The following CAP2 variants were observed in gnomAD, a reference collection of about 807,000 sequenced individuals.
The protein encoded by CAP2 is cyclase associated actin cytoskeleton regulatory protein 2.
A neutral mutation model predicts 57.7 loss-of-function variants in CAP2; 24 were observed. That is an observed-to-expected ratio of 0.42 (90% CI 0.30 to 0.58). The LOEUF is 0.58. Among genes scored for constraint, CAP2 ranks in the 20% least tolerant of loss-of-function variants. CAP2 has a pLI of 0.22. For synonymous variants in CAP2, 194 were observed against 207.2 expected (o/e 0.94, Z 0.55); for missense variants, 501 against 590.3 (o/e 0.85, Z 1.57).
At chr6:17,408,024 A>C (rs1759028237) in intron 1 of CAP2, among the ~76,000 whole-genome samples, 1 of 152,102 alleles carries the variant, frequency 6.6e-6, no homozygotes, top group South Asian at 2.1e-4. Context: ...CTTTTATTTA[A>C]TTGCATATAA....
At chr6:17,414,488 A>T (rs1489687888) in intron 1 of CAP2, among the ~76,000 whole-genome samples, 1 of 152,062 alleles carries the variant, frequency 6.6e-6, no homozygotes, top group Non-Finnish European at 1.5e-5. Context: ...CCTACCTATG[A>T]GTGAGAACAT....
Position 17,393,597 on chromosome 6 carries a change from C to G in CAP2, c.-151C>G, listed in dbSNP as rs1758591940. The G allele has an allele frequency of 6.6e-6, 1 of 152,286 alleles. No homozygotes were observed. The highest frequency in any genetic ancestry group is 2.4e-5 in the African/African-American group (1 of 41,436). The allele number at this position is 152,286 out of a possible 1,614,324, so 9.4% of individuals were successfully genotyped here. ...TTGGAGCTCCGGAAGCTGCCGGCGA[C>G]TCTCCCCTGGAGCAGCGTGACTGAC... On this transcript the variant is annotated 5_prime_UTR_variant, in exon 1 of 13. Transcript: ENST00000229922.
intron 1 of CAP2, among the ~76,000 whole-genome samples, chr6:17,404,863 G>A (rs937378983): frequency 2.0e-5 from 3 of 152,002 alleles, no homozygotes; most frequent in Admixed American, 1.3e-4. Context: ...TTCTTTGTAG[G>A]CAGTTATATC....
chr6:17,515,542 C>T (rs1762258643), intron 7 of CAP2, among the ~76,000 whole-genome samples: 1 of 152,104 alleles, frequency 6.6e-6, no homozygotes, highest in Non-Finnish European at 1.5e-5. Flanking sequence ...ATCATTCACA[C>T]CCCCAAACCT....
At chr6:17,542,311 C>G (rs1340451376) in intron 9 of CAP2, among the ~76,000 whole-genome samples, 3 of 152,162 alleles carry the variant, frequency 2.0e-5, no homozygotes, top group African/African-American at 7.2e-5. Flanking sequence ...CTGCCACCCC[C>G]CACTGCCCGG....
At chr6:17,505,601 G>T (rs369970173) in intron 4 of CAP2, among the ~76,000 whole-genome samples, 14 of 152,322 alleles carry the variant, frequency 9.2e-5, no homozygotes, top group African/African-American at 3.4e-4. Context: ...TTAAAGAGCT[G>T]TAAGGAGCTT....
intron 3 of CAP2, among the ~76,000 whole-genome samples, chr6:17,455,489 G>A (rs1760535279): frequency 2.0e-5 from 3 of 151,894 alleles, no homozygotes; most frequent in East Asian, 1.9e-4. Flanking sequence ...CAAGTCACCC[G>A]CTTGGCCCTC....
intron 4 of CAP2, among the ~76,000 whole-genome samples, chr6:17,475,439 A>G (rs1761129053): frequency 6.6e-6 from 1 of 152,178 alleles, no homozygotes; most frequent in African/African-American, 2.4e-5. Flanking sequence ...TTAGAGAAGA[A>G]CAAGCGAGAT....
chr6:17,501,389 T>C (rs1561806685), intron 4 of CAP2, among the ~76,000 whole-genome samples: 3 of 152,238 alleles, frequency 2.0e-5, no homozygotes, highest in Non-Finnish European at 4.4e-5. Context: ...ATGCAGAATG[T>C]TTATTGTTTA....
intron 11 of CAP2, 52 bp downstream of exon 11, chr6:17,543,195 C>A: frequency 6.9e-7 from 1 of 1,439,574 alleles, no homozygotes; most frequent in Non-Finnish European, 9.8e-7. Context: ...TTTCCAACCA[C>A]GCTGTAATAA....
chr6:17,550,483 A>G (rs971154186), intron 11 of CAP2, among the ~76,000 whole-genome samples: 2 of 144,300 alleles, frequency 1.4e-5, no homozygotes, highest in African/African-American at 5.2e-5. Flanking sequence ...GGAAACAGAG[A>G]ACTAGAGTGA....
rs1761294839 is a variant in CAP2, at chr6:17,481,844, C to A, written c.300+18771C>A. ...TCCTCCAAAGTCTAAGGAGAGAAAT[C>A]TAATTAGTATTCCATGTCATTAAAT... On this transcript the variant is annotated intron_variant, in intron 4 of 12. Transcript: ENST00000229922. Among the ~76,000 whole-genome samples, 4 of 152,138 alleles carry A rather than the reference C, an allele frequency of 2.6e-5. No individual in the cohort carries two copies. In the South Asian group the frequency reaches 8.3e-4, roughly 32 times the overall value.
intron 7 of CAP2, among the ~76,000 whole-genome samples, chr6:17,524,832 C>T (rs1218921776): frequency 1.3e-5 from 2 of 151,932 alleles, no homozygotes; most frequent in Non-Finnish European, 2.9e-5. Flanking sequence ...CCCAGTCAAG[C>T]CTGCCTCATA....
intron 3 of CAP2, among the ~76,000 whole-genome samples, chr6:17,448,763 A>G (rs1395797542): frequency 8.1e-6 from 1 of 122,992 alleles, no homozygotes; most frequent in Non-Finnish European, 1.8e-5. Context: ...TGAAGTCTAC[A>G]TTATCTTTTT....
intron 3 of CAP2, among the ~76,000 whole-genome samples, chr6:17,452,449 T>C (rs1760431920): frequency 6.6e-6 from 1 of 152,152 alleles, no homozygotes; most frequent in Non-Finnish European, 1.5e-5. Context: ...CCCAAACTTA[T>C]CAGGCAAAAT....
At position 17,556,801 on chromosome 6, in the gene CAP2, A is replaced by C. The variant is rs369551127; in HGVS notation, c.*359A>C. 5.2e-6 allele frequency: 1 copy of C among 190,762 alleles called. No individual in the cohort carries two copies. Among genetic ancestry groups the C allele is most frequent in the African/African-American group, 2.3e-5 (1 of 42,798 alleles). The allele number at this position is 190,762 out of a possible 1,614,324, so 11.8% of individuals were successfully genotyped here. ...ACTTATATTTCATTGCTAGTTAAAAAATAAAACCTTTGAGAATCTAAGATG... is the reference window on the plus strand; with the variant it reads ...ACTTATATTTCATTGCTAGTTAAAACATAAAACCTTTGAGAATCTAAGATG... On this transcript the variant is annotated 3_prime_UTR_variant, in exon 13 of 13. Transcript: ENST00000229922.
intron 4 of CAP2, among the ~76,000 whole-genome samples, chr6:17,487,891 A>T (rs1298780030): frequency 6.6e-6 from 1 of 151,250 alleles, no homozygotes; most frequent in Non-Finnish European, 1.5e-5. Context: ...TGATCCTCCC[A>T]CCTCAGCCTG....
Position 17,534,998 on chromosome 6 carries a change from G to A in CAP2, c.637-4271G>A, listed in dbSNP as rs535190352. On this transcript the variant is annotated intron_variant, in intron 7 of 12. Transcript: ENST00000229922. The stretch of plus-strand genomic sequence containing the variant: ...CCAGTTTCTAGAAGCAGGGCACAGA[G>A]TCACAACAAAACCAGCATCCAGGGT... Among the ~76,000 whole-genome samples, 6 of 152,250 alleles carry A rather than the reference G, an allele frequency of 3.9e-5. No individual in the cohort carries two copies. In the South Asian group the frequency reaches 6.2e-4, roughly 16 times the overall value.
chr6:17,532,058 C>T (rs1014081376), intron 7 of CAP2, among the ~76,000 whole-genome samples: 9 of 151,036 alleles, frequency 6.0e-5, no homozygotes, highest in African/African-American at 2.2e-4. Flanking sequence ...ATTCAATTCA[C>T]TTTTAATCCA....
Sources: gnomAD v4.1 joint callset for allele counts (sites outside exome capture counted in the v4.1 genomes callset) on GRCh38, gnomAD v4.1.1 for gene constraint, MANE v1.5 for transcripts, NCBI Gene and HGNC (gene_info 2026-07-23, HGNC 2026-07-21) for gene names.